The following ROBO1 variants were observed in gnomAD, a reference collection of about 807,000 sequenced individuals.
The protein encoded by ROBO1 is roundabout guidance receptor 1.
In ROBO1, 149 loss-of-function variants were observed where a neutral mutation model predicts 195.9. The observed-to-expected ratio is 0.76, with a 90% CI of 0.67 to 0.87. The LOEUF is 0.87. Among genes scored for constraint, ROBO1 ranks in the 40% least tolerant of loss-of-function variants. ROBO1 has a pLI of 0.00. For missense variants in ROBO1, 1,933 were observed against 2,068.3 expected (o/e 0.93, Z 1.27); for synonymous variants, 816 against 733.2 (o/e 1.11, Z -1.82).
At chr3:78,956,013 G>A (rs1366620829) in intron 3 of ROBO1, among the ~76,000 whole-genome samples, 2 of 151,888 alleles carry the variant, frequency 1.3e-5, no homozygotes, top group Non-Finnish European at 2.9e-5. Context: ...GATCCTAAGG[G>A]CACCCCAGTA....
chr3:78,967,327 A>T (rs1044193377), intron 3 of ROBO1, among the ~76,000 whole-genome samples: 1 of 51,328 alleles, frequency 1.9e-5, no homozygotes, highest in Admixed American at 1.9e-4. Context: ...CCACCTCCCC[A>T]CCCCCACCCC....
At chr3:78,761,567 G>T (rs2083106205) in intron 4 of ROBO1, among the ~76,000 whole-genome samples, 3 of 151,966 alleles carry the variant, frequency 2.0e-5, no homozygotes, top group African/African-American at 7.3e-5. Context: ...ATTCAAATAG[G>T]TGATAAATTT....
intron 4 of ROBO1, among the ~76,000 whole-genome samples, chr3:78,870,585 C>T (rs2035485938): frequency 6.6e-6 from 1 of 152,108 alleles, no homozygotes; most frequent in African/African-American, 2.4e-5. Flanking sequence ...AAAGGCTTTC[C>T]CTTGCACTGC....
chr3:79,347,537 T>G (rs948336264), intron 2 of ROBO1, among the ~76,000 whole-genome samples: 1 of 152,214 alleles, frequency 6.6e-6, no homozygotes, highest in African/African-American at 2.4e-5. Flanking sequence ...GGATTTAGCT[T>G]GTAACCTGAC....
chr3:78,700,665 C>T (rs1330685445), intron 8 of ROBO1, among the ~76,000 whole-genome samples: 1 of 151,744 alleles, frequency 6.6e-6, no homozygotes, highest in African/African-American at 2.4e-5. Flanking sequence ...CTCGATTTTG[C>T]AAAAGAAAGA....
At chr3:79,294,437 C>T (rs2032461017) in intron 2 of ROBO1, among the ~76,000 whole-genome samples, 1 of 152,094 alleles carries the variant, frequency 6.6e-6, no homozygotes, top group South Asian at 2.1e-4. Flanking sequence ...ACACCTTATA[C>T]AAAAATTAAC....
In ROBO1 at chr3:79,023,081, C is replaced by T. The variant is rs568123288; in HGVS notation, c.173-84154G>A. 2.0e-5 allele frequency among the ~76,000 whole-genome samples: 3 copies of T among 152,246 alleles called. No homozygotes were observed. The South Asian group carries it at 6.2e-4, about 32-fold the overall frequency. On this transcript the variant is annotated intron_variant, in intron 3 of 30. Coordinates refer to ENST00000464233, the MANE Select transcript of ROBO1 (RefSeq NM_002941.4). ...AATACAAACCAGAACATCTCTCTGC[C>T]TTCTTAGCTAAAAGTCTTAGAATCA...
intron 19 of ROBO1, 142 bp from the exon 20 acceptor site, chr3:78,647,797 T>C (rs968048860): frequency 2.6e-6 from 2 of 765,066 alleles, no homozygotes; most frequent in South Asian, 1.6e-5. Context: ...ATCTGATCTA[T>C]GAATAAAACC....
chr3:79,756,673 C>T (rs1250713419), intron 1 of ROBO1, among the ~76,000 whole-genome samples: 2 of 151,458 alleles, frequency 1.3e-5, no homozygotes, highest in East Asian at 3.9e-4. Flanking sequence ...TATATGTATG[C>T]CTTTAACCAT....
chr3:78,999,359 G>A (rs535945038), intron 3 of ROBO1, among the ~76,000 whole-genome samples: 22 of 152,072 alleles, frequency 1.4e-4, no homozygotes, highest in Admixed American at 5.9e-4. Flanking sequence ...ATACTATGCA[G>A]CCATAAAGAA....
chr3:79,262,050 A>T (rs2082948929), intron 2 of ROBO1, among the ~76,000 whole-genome samples: 2 of 152,100 alleles, frequency 1.3e-5, no homozygotes. Flanking sequence ...CAGATCTAAG[A>T]AACATGTGCT....
At chr3:79,166,560 C>CTT (rs968334923) in intron 2 of ROBO1, among the ~76,000 whole-genome samples, 1,385 of 135,090 alleles carry the variant, frequency 0.01, 23 homozygotes, top group African/African-American at 0.032. Flanking sequence ...TTCTATTTTT[C>CTT]TTTTTTTTTT....
At chr3:79,198,163 G>A (rs965661278) in intron 2 of ROBO1, among the ~76,000 whole-genome samples, 11 of 152,012 alleles carry the variant, frequency 7.2e-5, no homozygotes, top group African/African-American at 2.7e-4. Context: ...GGGTTTTTAT[G>A]GTTTTAGGTC....
At chr3:78,643,809 A>G (rs1423562273) in intron 21 of ROBO1, among the ~76,000 whole-genome samples, 1 of 152,138 alleles carries the variant, frequency 6.6e-6, no homozygotes, top group Non-Finnish European at 1.5e-5. Context: ...TATTATAGAT[A>G]AAGGTAGGAC....
At position 79,545,179 on chromosome 3, in the gene ROBO1, A is replaced by G. The variant is rs1448318317; in HGVS notation, c.88+44645T>C. Among the ~76,000 whole-genome samples, 3 of 152,194 alleles carry G rather than the reference A, an allele frequency of 2.0e-5. No homozygotes were observed. The East Asian group carries it at 5.8e-4, about 29-fold the overall frequency. On this transcript the variant is annotated intron_variant, in intron 2 of 30. Transcript: ENST00000464233. Reference sequence around the variant, plus strand: ...AACTGCAGAGTTCCAAGGAAATTGCATGTGGACACATCGTGAATTCACTGC... The same window carrying G: ...AACTGCAGAGTTCCAAGGAAATTGCGTGTGGACACATCGTGAATTCACTGC...
At chr3:78,944,299 G>A (rs2040296084) in intron 3 of ROBO1, among the ~76,000 whole-genome samples, 1 of 152,246 alleles carries the variant, frequency 6.6e-6, no homozygotes, top group Non-Finnish European at 1.5e-5. Context: ...CACTGGAGGT[G>A]TTCACTTTGC....
chr3:78,695,737 G>C (rs61321264), intron 8 of ROBO1, among the ~76,000 whole-genome samples: 2,216 of 151,760 alleles, frequency 0.015, 42 homozygotes, highest in African/African-American at 0.051. Flanking sequence ...AAACATGAGA[G>C]GTTTTGGAGA....
intron 3 of ROBO1, chr3:79,019,246 G>T (rs760484337): frequency 2.0e-4 from 194 of 985,730 alleles, no homozygotes; most frequent in South Asian, 4.7e-4. Context: ...CCTAAACTAC[G>T]CAGAAGCCCA....
At chr3:78,696,528 T>G (rs758122458) in intron 8 of ROBO1, among the ~76,000 whole-genome samples, 2 of 151,908 alleles carry the variant, frequency 1.3e-5, no homozygotes, top group African/African-American at 2.4e-5. Context: ...AATCAATTAG[T>G]GGTGAAGAAT....
Sources: allele counts gnomAD v4.1 joint callset (sites outside exome capture counted in the v4.1 genomes callset), GRCh38; gene constraint gnomAD v4.1.1; transcripts MANE v1.5; gene names NCBI Gene and HGNC (gene_info 2026-07-23, HGNC 2026-07-21).